Variants in DDX19B observed in about 807,000 individuals in gnomAD.
DDX19B encodes the protein ATP-dependent RNA helicase DDX19B.
DDX19B carries 27 observed loss-of-function variants against 58.1 expected under a neutral mutation model. That is an observed-to-expected ratio of 0.46 (90% CI 0.34 to 0.64). The LOEUF is 0.64. Among genes scored for constraint, DDX19B ranks in the 30% least tolerant of loss-of-function variants. The pLI, the probability that DDX19B is intolerant of heterozygous loss-of-function variation, is 0.01. For missense variants in DDX19B, 399 were observed against 596.5 expected (o/e 0.67, Z 3.45); for synonymous variants, 187 against 214.4 (o/e 0.87, Z 1.12).
rs1431048926 is a variant in DDX19B, at chr16:70,333,836, C to T, written c.*254C>T. ...GAGATTTACCTTTTGGAAGTTTCAT[C>T]TTTTAATTTGGCCAGTGTTTCCTTC... On this transcript the variant is annotated 3_prime_UTR_variant, in exon 12 of 12. Coordinates refer to ENST00000288071, the MANE Select transcript of DDX19B (RefSeq NM_007242.7). 3.4e-6 allele frequency: 2 copies of T among 588,060 alleles called. No homozygotes were observed. Among genetic ancestry groups the T allele is most frequent in the Admixed American group, 3.1e-5 (1 of 32,428 alleles). 36.4% of individuals were successfully genotyped at this position (588,060 alleles called of 1,614,324 possible). A position where few individuals can be genotyped will look rare whatever the true frequency, so the allele number is the denominator to read the frequency against.
At chr16:70,324,231 C>T (rs991627700) in intron 5 of DDX19B, among the ~76,000 whole-genome samples, 2 of 151,888 alleles carry the variant, frequency 1.3e-5, no homozygotes, top group African/African-American at 4.8e-5. Flanking sequence ...ACTGCAGTGA[C>T]TCACACCTAT....
intron 9 of DDX19B, among the ~76,000 whole-genome samples, 187 bp from the exon 10 acceptor site, chr16:70,331,535 G>A (rs1461758028): frequency 1.3e-5 from 2 of 152,214 alleles, no homozygotes; most frequent in African/African-American, 2.4e-5. Context: ...GAACACTTGG[G>A]CTCAAGTGTG....
chr16:70,312,579 CT>C, intron 1 of DDX19B, 29 bp from the exon 2 acceptor site: 4 of 1,607,466 alleles, frequency 2.5e-6, no homozygotes, highest in East Asian at 2.2e-5. Context: ...TTTCCTGACA[CT>C]TTCCCCCTCC....
At chr16:70,300,944 G>A (rs1450913119) in intron 1 of DDX19B, among the ~76,000 whole-genome samples, 1 of 151,864 alleles carries the variant, frequency 6.6e-6, no homozygotes, top group Non-Finnish European at 1.5e-5. Flanking sequence ...AGTTGTCTAA[G>A]TTTATCTCAG....
Position 70,334,051 on chromosome 16 carries a change from A to C in DDX19B, c.*469A>C. The C allele has an allele frequency of 5.2e-6, 1 of 190,788 alleles. No homozygotes were observed. Among genetic ancestry groups the C allele is most frequent in the Non-Finnish European group, 1.1e-5 (1 of 92,220 alleles). 11.8% of individuals were successfully genotyped at this position (190,788 alleles called of 1,614,324 possible). On this transcript the variant is annotated 3_prime_UTR_variant, in exon 12 of 12. Transcript: ENST00000288071. ...GTGTAAGCCCAGCCATCATGTTTGG[A>C]ATGGCATGAGGCAGCAGAGGAGGCC...
At chr16:70,291,529 C>G (rs997022415), upstream of DDX19B, among the ~76,000 whole-genome samples, 1 of 152,100 alleles carries the variant, frequency 6.6e-6, no homozygotes, top group Admixed American at 6.6e-5. Context: ...AATTTTTTGG[C>G]CTAGCGTGGT....
At chr16:70,316,141 CA>C in intron 4 of DDX19B, 37 bp downstream of exon 4, 1 of 1,612,814 alleles carries the variant, frequency 6.2e-7, no homozygotes, top group Non-Finnish European at 8.5e-7. Context: ...TTCCCCTTTG[CA>C]CTGAAATAGA....
chr16:70,293,451 T>TG (rs1961109554), upstream of DDX19B, among the ~76,000 whole-genome samples: 1 of 145,344 alleles, frequency 6.9e-6, no homozygotes, highest in African/African-American at 2.6e-5. Context: ...TGGAAACAAG[T>TG]GGAAAAAAAA....
At chr16:70,303,219 G>A (rs778842622) in intron 1 of DDX19B, among the ~76,000 whole-genome samples, 4 of 152,066 alleles carry the variant, frequency 2.6e-5, no homozygotes, top group South Asian at 2.1e-4. Context: ...CATGATCTTG[G>A]CTCACTGAAA....
chr16:70,325,299 T>A (rs1038475951), intron 6 of DDX19B, among the ~76,000 whole-genome samples: 3 of 152,220 alleles, frequency 2.0e-5, no homozygotes, highest in African/African-American at 7.2e-5. Context: ...AAAAGAAAGC[T>A]AATGCCAATT....
In DDX19B at chr16:70,324,659, A is replaced by G. The variant is rs1406563313; in HGVS notation, c.464A>G (p.Gln155Arg). 3 of 1,613,610 alleles carry G rather than the reference A, an allele frequency of 1.9e-6. No homozygotes were observed. Among genetic ancestry groups the G allele is most frequent in the Admixed American group, 3.3e-5 (2 of 59,778 alleles). Reference protein sequence around the residue: ...TAAFVLAMLSQVEPANKYPQC... With the variant: ...TAAFVLAMLSRVEPANKYPQC... ...GCCTTCGTGCTGGCCATGCTTAGCC[A>G]AGTAGAACCTGCAAACAAATACCCC... Residue 155 changes from glutamine (Q) to arginine (R), a missense_variant, in exon 6 of 12, where the codon CAA (glutamine) becomes CGA (arginine). Gln to Arg is a conservative substitution (Grantham distance 43). Coordinates refer to ENST00000288071, the MANE Select transcript of DDX19B (RefSeq NM_007242.7).
At chr16:70,316,229 A>G (rs537904206) in intron 4 of DDX19B, 125 bp downstream of exon 4, 20 of 1,142,004 alleles carry the variant, frequency 1.8e-5, no homozygotes, top group Admixed American at 1.0e-4. Flanking sequence ...TTTTTTTTCG[A>G]GACAGAGTCT....
chr16:70,321,807 G>T (rs985204101), intron 5 of DDX19B, among the ~76,000 whole-genome samples: 1 of 152,026 alleles, frequency 6.6e-6, no homozygotes, highest in African/African-American at 2.4e-5. Context: ...GCCGAGGCAG[G>T]CAGATCATTT....
At chr16:70,302,160 A>T (rs1961521546) in intron 1 of DDX19B, among the ~76,000 whole-genome samples, 1 of 152,118 alleles carries the variant, frequency 6.6e-6, no homozygotes, top group Non-Finnish European at 1.5e-5. Context: ...ACCTCAAGTG[A>T]TCCGCATGCC....
chr16:70,331,036 C>A (rs1443789368), intron 9 of DDX19B, among the ~76,000 whole-genome samples: 1 of 151,932 alleles, frequency 6.6e-6, no homozygotes, highest in East Asian at 1.9e-4. Flanking sequence ...GAGATCCTGT[C>A]TCAAAAAATT....
At chr16:70,328,448 C>T (rs925812541) in intron 7 of DDX19B, among the ~76,000 whole-genome samples, 3 of 149,740 alleles carry the variant, frequency 2.0e-5, no homozygotes, top group East Asian at 4.0e-4. Flanking sequence ...CTGCAACCTC[C>T]GCCTCCTGGG....
At chr16:70,332,871 C>A in intron 10 of DDX19B, 97 bp from the exon 11 acceptor site, 2 of 1,609,110 alleles carry the variant, frequency 1.2e-6, no homozygotes, top group South Asian at 1.1e-5. Context: ...TGCCGTGTTC[C>A]CTTAATGCTG....
rs531359399 is a variant in DDX19B at position 70,312,263 on chromosome 16, C to CA, written c.58-345dup. ...GATTTGGAATGCAGCGATTCCCCCCCACACACAAAAGAAATATGAGAGAAT... is the reference window on the plus strand; with the variant it reads ...GATTTGGAATGCAGCGATTCCCCCCCAACACACAAAAGAAATATGAGAGAAT... On this transcript the variant is annotated intron_variant, in intron 1 of 11. Coordinates refer to ENST00000288071, the MANE Select transcript of DDX19B (RefSeq NM_007242.7). Among the ~76,000 whole-genome samples the CA allele has an allele frequency of 3.6e-3, 543 of 152,210 alleles. 7 individuals carry two copies. The highest frequency in any genetic ancestry group is 0.012 in the African/African-American group (500 of 41,548).
chr16:70,322,323 G>A (rs954232663), intron 5 of DDX19B, among the ~76,000 whole-genome samples: 1 of 152,132 alleles, frequency 6.6e-6, no homozygotes, highest in Admixed American at 6.6e-5. Flanking sequence ...GGGCGCAGTG[G>A]CTTACAACTG....
Sources: gnomAD v4.1 joint callset for allele counts (sites outside exome capture counted in the v4.1 genomes callset) on GRCh38, gnomAD v4.1.1 for gene constraint, MANE v1.5 for transcripts, NCBI Gene and HGNC (gene_info 2026-07-23, HGNC 2026-07-21) for gene names.